FYN: variants seen among roughly 807,000 people sequenced by gnomAD.
The protein encoded by FYN is FYN proto-oncogene, Src family tyrosine kinase.
Under a neutral mutation model 70.2 loss-of-function variants are expected in FYN, and 10 were observed. The observed-to-expected ratio is 0.14, with a 90% CI of 0.09 to 0.24. FYN has a LOEUF of 0.24. FYN is among the 10% of genes least tolerant of loss of function. The pLI, the probability that FYN is intolerant of heterozygous loss-of-function variation, is 1.00. For missense variants in FYN, 319 were observed against 673.1 expected, an observed-to-expected ratio of 0.47 and a Z score of 5.82; for synonymous variants, 236 against 248.6, an observed-to-expected ratio of 0.95 and a Z score of 0.48.
At chr6:111,735,501 G>T (rs1801670439) in intron 3 of FYN, among the ~76,000 whole-genome samples, 1 of 152,316 alleles carries the variant, frequency 6.6e-6, no homozygotes, top group East Asian at 1.9e-4. Flanking sequence ...TCAGTGCTAG[G>T]TTTAACTGCA....
chr6:111,801,684 T>G (rs1227181227), intron 2 of FYN, among the ~76,000 whole-genome samples: 13 of 152,182 alleles, frequency 8.5e-5, no homozygotes, highest in Admixed American at 8.5e-4. Context: ...AGCAAGTGTA[T>G]CTGAGACTGT....
At chr6:111,730,144 G>A (rs1270937230) in intron 3 of FYN, among the ~76,000 whole-genome samples, 2 of 152,228 alleles carry the variant, frequency 1.3e-5, no homozygotes, top group Non-Finnish European at 2.9e-5. Flanking sequence ...CTGAGCGTGT[G>A]CTCTTAACTA....
intron 2 of FYN, among the ~76,000 whole-genome samples, chr6:111,822,949 C>G (rs532224906): frequency 1.3e-5 from 2 of 152,120 alleles, no homozygotes; most frequent in Admixed American, 6.5e-5. Context: ...AGTGGAACAG[C>G]AGCAGTGGAA....
chr6:111,761,569 C>T (rs1803006423), intron 3 of FYN, among the ~76,000 whole-genome samples: 5 of 152,136 alleles, frequency 3.3e-5, no homozygotes, highest in Admixed American at 2.6e-4. Context: ...CTGGTGTGAC[C>T]ATAGTTTTAT....
chr6:111,849,025 T>C (rs1038879456), intron 1 of FYN, among the ~76,000 whole-genome samples: 1 of 152,104 alleles, frequency 6.6e-6, no homozygotes, highest in African/African-American at 2.4e-5. Flanking sequence ...CGTACAGATA[T>C]ATTATATTGA....
At chr6:111,676,068 A>G (rs1211464041) in intron 12 of FYN, among the ~76,000 whole-genome samples, 1 of 152,168 alleles carries the variant, frequency 6.6e-6, no homozygotes. Context: ...AGAATCTTCT[A>G]TAAAAAGTCA....
chr6:111,839,662 T>A (rs561867945), intron 2 of FYN, among the ~76,000 whole-genome samples: 1 of 152,286 alleles, frequency 6.6e-6, no homozygotes, highest in African/African-American at 2.4e-5. Context: ...GTGACCAGAA[T>A]GACGGGATTC....
chr6:111,674,319 A>G (rs930312634), intron 13 of FYN, 180 bp downstream of exon 13: 17 of 612,546 alleles, frequency 2.8e-5, no homozygotes, highest in African/African-American at 5.5e-5. Flanking sequence ...CTGCTTGTCT[A>G]CATACATGGT....
At chr6:111,751,822 T>C (rs560492745) in intron 3 of FYN, among the ~76,000 whole-genome samples, 1 of 152,254 alleles carries the variant, frequency 6.6e-6, no homozygotes, top group South Asian at 2.1e-4. Flanking sequence ...TCTCACTATG[T>C]TGCCCAGGCT....
chr6:111,863,612 C>G lies in FYN; in HGVS notation c.-123+9356G>C, dbSNP rs138540118. Reference sequence around the variant, plus strand: ...TTTTTAATTTTCCATTAAAGCCCTACTTTTCAATATAAAGCAGATGGAATC... The same window carrying G: ...TTTTTAATTTTCCATTAAAGCCCTAGTTTTCAATATAAAGCAGATGGAATC... On this transcript the variant is annotated intron_variant, in intron 1 of 13. Coordinates refer to ENST00000354650, the MANE Select transcript of FYN (RefSeq NM_002037.5). Among the ~76,000 whole-genome samples the G allele has an allele frequency of 1.5e-3, 233 of 152,236 alleles. 1 individual carries two copies. Among genetic ancestry groups the G allele is most frequent in the Middle Eastern group, 3.4e-3 (1 of 294 alleles).
chr6:111,767,518 C>G (rs1215175288), intron 3 of FYN, among the ~76,000 whole-genome samples: 1 of 152,184 alleles, frequency 6.6e-6, no homozygotes, highest in Non-Finnish European at 1.5e-5. Flanking sequence ...TCTCCTGTCT[C>G]AGCCTCCGAG....
intron 2 of FYN, among the ~76,000 whole-genome samples, chr6:111,845,164 T>TCC (rs1386719139): frequency 6.6e-6 from 1 of 152,242 alleles, no homozygotes; most frequent in Non-Finnish European, 1.5e-5. Context: ...GGAGGGCAAG[T>TCC]CCTGCAGTCT....
rs1773586397 is a variant in FYN, at chr6:111,848,207, C to T, written c.-122-1578G>A. On this transcript the variant is annotated intron_variant, in intron 1 of 13. Coordinates refer to ENST00000354650, the MANE Select transcript of FYN (RefSeq NM_002037.5). ...CTGCAGAGGCTCAGAAAAGTTGTTG[C>T]TCTGATTCACAGGTCACAATAAGGA... is the stretch of plus-strand genomic sequence containing the variant. 2.6e-5 allele frequency among the ~76,000 whole-genome samples: 4 copies of T among 152,178 alleles called. No homozygotes were observed. In the South Asian group the frequency reaches 8.3e-4, roughly 32 times the overall value.
At chr6:111,742,461 T>A (rs1802020695) in intron 3 of FYN, among the ~76,000 whole-genome samples, 1 of 152,234 alleles carries the variant, frequency 6.6e-6, no homozygotes, top group Non-Finnish European at 1.5e-5. Flanking sequence ...GGGCCAGGTT[T>A]ATTCATTAAC....
chr6:111,848,376 A>G (rs1773591470), intron 1 of FYN, among the ~76,000 whole-genome samples: 1 of 152,238 alleles, frequency 6.6e-6, no homozygotes, highest in Non-Finnish European at 1.5e-5. Context: ...AGGATGCCCA[A>G]TTCACAAGAT....
rs1233799868 is a variant in FYN, at chr6:111,872,988, G to A, written c.-143C>T. 2.7e-5 allele frequency: 4 copies of A among 149,304 alleles called. No homozygotes were observed. The highest frequency in any genetic ancestry group is 4.5e-5 in the Non-Finnish European group (3 of 67,014). The allele number at this position is 149,304 out of a possible 1,614,324, so 9.2% of individuals were successfully genotyped here. A position where few individuals can be genotyped will look rare whatever the true frequency, so the allele number is the denominator to read the frequency against. The stretch of plus-strand genomic sequence containing the variant: ...CTTACCTGCGCGGCGCTGAGGCTCC[G>A]GAGCCCACTCACATGGTCCTCTCCC... On this transcript the variant is annotated 5_prime_UTR_variant, in exon 1 of 14. Transcript: ENST00000354650.
chr6:111,810,512 G>A (rs189973404), intron 2 of FYN, among the ~76,000 whole-genome samples: 35 of 152,148 alleles, frequency 2.3e-4, no homozygotes, highest in African/African-American at 4.6e-4. Flanking sequence ...GTTTTAGTTC[G>A]GCCCTGTTTC....
chr6:111,768,655 A>T (rs1002529461), intron 3 of FYN, among the ~76,000 whole-genome samples: 1 of 152,210 alleles, frequency 6.6e-6, no homozygotes, highest in Non-Finnish European at 1.5e-5. Flanking sequence ...CCAGGTCAAG[A>T]GTCCCTGAAG....
At chr6:111,852,879 G>A (rs1020191383) in intron 1 of FYN, among the ~76,000 whole-genome samples, 2 of 152,184 alleles carry the variant, frequency 1.3e-5, no homozygotes, top group Non-Finnish European at 2.9e-5. Flanking sequence ...GTCATAGTGT[G>A]TAAAACCATT....
Sources: allele counts gnomAD v4.1 joint callset (sites outside exome capture counted in the v4.1 genomes callset), GRCh38; gene constraint gnomAD v4.1.1; transcripts MANE v1.5; gene names NCBI Gene and HGNC (gene_info 2026-07-23, HGNC 2026-07-21).